Variants in ITGA9 observed in about 807,000 individuals in gnomAD.
ITGA9 encodes the protein integrin alpha-9.
In ITGA9, 56 loss-of-function variants were observed where a neutral mutation model predicts 127.8. The ratio of observed to expected loss-of-function variants is 0.44; its 90% confidence interval spans 0.35 to 0.55. The LOEUF (loss-of-function observed/expected upper bound fraction) is 0.55. ITGA9 is among the 20% of genes least tolerant of loss of function. ITGA9 has a pLI of 0.00. For missense variants in ITGA9, 1,196 were observed against 1,347.1 expected, an observed-to-expected ratio of 0.89 and a Z score of 1.76; for synonymous variants, 508 against 514.5, an observed-to-expected ratio of 0.99 and a Z score of 0.17.
chr3:37,759,906 A>AG (rs1398819965), intron 23 of ITGA9, among the ~76,000 whole-genome samples: 1 of 151,358 alleles, frequency 6.6e-6, no homozygotes, highest in African/African-American at 2.4e-5. Flanking sequence ...TCCATCTCAA[A>AG]AAAAAAACAA....
At chr3:37,673,046 C>T (rs1362024401) in intron 17 of ITGA9, among the ~76,000 whole-genome samples, 2 of 151,926 alleles carry the variant, frequency 1.3e-5, no homozygotes, top group Non-Finnish European at 2.9e-5. Context: ...TATTCATATT[C>T]TAAATAATTC....
chr3:37,809,751 T>G (rs1247370907), intron 27 of ITGA9, among the ~76,000 whole-genome samples: 1 of 152,176 alleles, frequency 6.6e-6, no homozygotes, highest in Admixed American at 6.5e-5. Flanking sequence ...TTTCTAGAAC[T>G]TCAACTACAG....
At chr3:37,761,064 C>T (rs1696717890) in intron 23 of ITGA9, among the ~76,000 whole-genome samples, 1 of 152,132 alleles carries the variant, frequency 6.6e-6, no homozygotes, top group African/African-American at 2.4e-5. Context: ...GAGGCTGAAG[C>T]AGGAGGATCA....
intron 23 of ITGA9, among the ~76,000 whole-genome samples, chr3:37,752,215 A>C (rs1339265319): frequency 1.3e-5 from 2 of 152,236 alleles, no homozygotes; most frequent in Non-Finnish European, 2.9e-5. Context: ...GGTGTGATTC[A>C]GAGCTCATGA....
chr3:37,779,110 G>A (rs1696944531), intron 24 of ITGA9, among the ~76,000 whole-genome samples: 1 of 151,916 alleles, frequency 6.6e-6, no homozygotes, highest in South Asian at 2.1e-4. Flanking sequence ...TTTTTTGTTT[G>A]TTTGTTTGTT....
chr3:37,625,728 T>C (rs915801773), intron 15 of ITGA9, among the ~76,000 whole-genome samples: 4 of 152,168 alleles, frequency 2.6e-5, no homozygotes, highest in Non-Finnish European at 5.9e-5. Context: ...AAGCTGCATA[T>C]CCAAAAATGA....
At chr3:37,742,293 T>G (rs1696446926) in intron 21 of ITGA9, among the ~76,000 whole-genome samples, 1 of 152,138 alleles carries the variant, frequency 6.6e-6, no homozygotes, top group Non-Finnish European at 1.5e-5. Context: ...CTTTGCTTGT[T>G]TCTGTTAACT....
intron 2 of ITGA9, among the ~76,000 whole-genome samples, chr3:37,471,495 G>A (rs372115432): frequency 2.0e-5 from 3 of 152,284 alleles, no homozygotes; most frequent in East Asian, 1.9e-4. Flanking sequence ...ATGCGTAGTC[G>A]TTAGCTGGGC....
chr3:37,487,474 A>G (rs567209698), intron 4 of ITGA9, among the ~76,000 whole-genome samples: 6 of 152,348 alleles, frequency 3.9e-5, no homozygotes, highest in African/African-American at 1.4e-4. Flanking sequence ...GTTTCCATGT[A>G]TTACGTGGAA....
chr3:37,759,077 C>A (rs932684001), intron 23 of ITGA9, among the ~76,000 whole-genome samples: 6 of 146,172 alleles, frequency 4.1e-5, no homozygotes, highest in Admixed American at 6.9e-5. Flanking sequence ...ATATATATAC[C>A]CACACACACA....
rs1575190400 is a variant in ITGA9, at chr3:37,681,314, G to A, written c.1917-2551G>A. ...CAGAGGAGGCAAGTCTTAGTCCAGGGTTCCACCTCTGGGCCCTTTACTCCT... is the reference window on the plus strand; with the variant it reads ...CAGAGGAGGCAAGTCTTAGTCCAGGATTCCACCTCTGGGCCCTTTACTCCT... On this transcript the variant is annotated intron_variant, in intron 17 of 27. Transcript: ENST00000264741. 2.0e-5 allele frequency among the ~76,000 whole-genome samples: 3 copies of A among 152,276 alleles called. No individual in the cohort carries two copies. The South Asian group carries it at 6.2e-4, about 32-fold the overall frequency.
chr3:37,800,041 C>T (rs187760387), intron 26 of ITGA9, among the ~76,000 whole-genome samples: 2 of 152,262 alleles, frequency 1.3e-5, no homozygotes, highest in East Asian at 1.9e-4. Flanking sequence ...GCATGGAGCA[C>T]GCATCCAAGG....
intron 18 of ITGA9, among the ~76,000 whole-genome samples, chr3:37,714,411 G>A (rs116658698): frequency 4.8e-4 from 73 of 152,300 alleles, no homozygotes; most frequent in Non-Finnish European, 8.2e-4. Flanking sequence ...TCTGGATGTC[G>A]CAGTGACAGC....
chr3:37,741,334 C>T (rs951161580), intron 20 of ITGA9, among the ~76,000 whole-genome samples: 3 of 151,654 alleles, frequency 2.0e-5, no homozygotes, highest in African/African-American at 7.3e-5. Flanking sequence ...GGATAAAGGC[C>T]TGGCTCCCAT....
chr3:37,732,609 C>T (rs1696306509), intron 18 of ITGA9, 103 bp from the exon 19 acceptor site: 1 of 841,838 alleles, frequency 1.2e-6, no homozygotes, highest in South Asian at 1.4e-5. Flanking sequence ...CTGGTGCCTA[C>T]CGTCTGAGCA....
At chr3:37,778,034 C>T (rs1176694980) in intron 24 of ITGA9, among the ~76,000 whole-genome samples, 1 of 152,204 alleles carries the variant, frequency 6.6e-6, no homozygotes, top group Non-Finnish European at 1.5e-5. Flanking sequence ...TATATCCATA[C>T]ACTGGAATAT....
At chr3:37,484,980 G>A (rs576740625) in intron 4 of ITGA9, among the ~76,000 whole-genome samples, 2 of 152,230 alleles carry the variant, frequency 1.3e-5, no homozygotes, top group South Asian at 2.1e-4. Context: ...CTTGTGTACC[G>A]GGAATAGAAT....
intron 15 of ITGA9, among the ~76,000 whole-genome samples, chr3:37,599,271 G>A (rs892569308): frequency 5.9e-5 from 9 of 152,200 alleles, no homozygotes; most frequent in South Asian, 2.1e-4. Flanking sequence ...TGGGTGGGGC[G>A]TGGCTGATTT....
chr3:37,615,750 G>T (rs1483223107), intron 15 of ITGA9, among the ~76,000 whole-genome samples: 5 of 152,146 alleles, frequency 3.3e-5, no homozygotes, highest in Admixed American at 2.6e-4. Flanking sequence ...TAGTTTATTT[G>T]CGTAGAGGTG....
Sources: allele counts gnomAD v4.1 joint callset (sites outside exome capture counted in the v4.1 genomes callset), GRCh38; gene constraint gnomAD v4.1.1; transcripts MANE v1.5; gene names NCBI Gene and HGNC (gene_info 2026-07-23, HGNC 2026-07-21).